Variants in RALYL observed in about 807,000 individuals in gnomAD.
RALYL encodes the protein RALY RNA binding protein like.
RALYL carries 29 observed loss-of-function variants against 35.1 expected under a neutral mutation model. The ratio of observed to expected loss-of-function variants is 0.83; its 90% CI spans 0.61 to 1.13. The LOEUF is 1.13. RALYL is among the 50% of genes most tolerant of loss of function. The pLI is 0.00. For synonymous variants in RALYL, 120 were observed against 127.6 expected (o/e 0.94, Z 0.40); for missense variants, 359 against 360.4 (o/e 1.00, Z 0.03).
At chr8:84,892,712 C>A (rs762869530) in intron 8 of RALYL, among the ~76,000 whole-genome samples, 11 of 149,068 alleles carry the variant, frequency 7.4e-5, no homozygotes, top group South Asian at 2.1e-4. Context: ...AAAAAAAAAA[C>A]CAGACAGATG....
At chr8:84,780,280 C>T (rs1298212930) in intron 3 of RALYL, among the ~76,000 whole-genome samples, 1 of 152,160 alleles carries the variant, frequency 6.6e-6, no homozygotes, top group African/African-American at 2.4e-5. Context: ...CACTGACCTG[C>T]CTCCCTGGTT....
At chr8:84,605,561 C>A (rs188976581) in intron 2 of RALYL, among the ~76,000 whole-genome samples, 62 of 152,146 alleles carry the variant, frequency 4.1e-4, no homozygotes, top group African/African-American at 1.3e-3. Flanking sequence ...TAGGCTCAAC[C>A]CTGTTCAGTT....
At chr8:84,212,606 A>G (rs1819754652) in intron 1 of RALYL, among the ~76,000 whole-genome samples, 1 of 152,200 alleles carries the variant, frequency 6.6e-6, no homozygotes, top group Non-Finnish European at 1.5e-5. Flanking sequence ...AGGAAACAAG[A>G]CTTGATAGGA....
At chr8:84,433,793 A>G (rs1225803335) in intron 1 of RALYL, among the ~76,000 whole-genome samples, 2 of 148,176 alleles carry the variant, frequency 1.3e-5, no homozygotes, top group Non-Finnish European at 3.0e-5. Context: ...ATGGACTAAT[A>G]TATGTGTGCA....
At chr8:84,216,997 G>A (rs1004699160) in intron 1 of RALYL, among the ~76,000 whole-genome samples, 6 of 152,030 alleles carry the variant, frequency 3.9e-5, no homozygotes, top group African/African-American at 1.4e-4. Flanking sequence ...ACATCTATAT[G>A]CTGCTAGCAT....
chr8:84,389,383 G>A (rs1367387944), intron 1 of RALYL, among the ~76,000 whole-genome samples: 4 of 152,042 alleles, frequency 2.6e-5, no homozygotes, highest in South Asian at 4.1e-4. Flanking sequence ...TGTGAAGAAA[G>A]TCATTGGTAG....
At chr8:84,589,123 C>T (rs1320339683) in intron 2 of RALYL, among the ~76,000 whole-genome samples, 1 of 152,186 alleles carries the variant, frequency 6.6e-6, no homozygotes, top group African/African-American at 2.4e-5. Context: ...GTCTCAAACT[C>T]CCAACCTTAG....
At chr8:84,625,263 T>A (rs923017841) in intron 2 of RALYL, among the ~76,000 whole-genome samples, 2 of 152,138 alleles carry the variant, frequency 1.3e-5, no homozygotes, top group South Asian at 4.1e-4. Context: ...ATGGTTTTAT[T>A]GTATTATAGT....
chr8:84,908,260 C>T (rs1213144784), intron 8 of RALYL, among the ~76,000 whole-genome samples: 3 of 152,110 alleles, frequency 2.0e-5, no homozygotes, highest in African/African-American at 7.2e-5. Flanking sequence ...ATACATTGCA[C>T]TGTTATTAAC....
intron 2 of RALYL, among the ~76,000 whole-genome samples, chr8:84,599,915 G>GTT (rs754529728): frequency 5.2e-5 from 7 of 134,880 alleles, no homozygotes; most frequent in Admixed American, 1.5e-4. Flanking sequence ...AGCAGGAGGT[G>GTT]TTTTTTTTTT....
At chr8:84,610,649 G>A (rs1408447890) in intron 2 of RALYL, among the ~76,000 whole-genome samples, 1 of 152,062 alleles carries the variant, frequency 6.6e-6, no homozygotes, top group Non-Finnish European at 1.5e-5. Flanking sequence ...CTCTCCTTTA[G>A]AGAGGAGTAT....
At chr8:84,677,834 C>T (rs1397199709) in intron 2 of RALYL, among the ~76,000 whole-genome samples, 2 of 152,128 alleles carry the variant, frequency 1.3e-5, no homozygotes, top group African/African-American at 4.8e-5. Context: ...TACTTCTAGT[C>T]TAAATTATTA....
chr8:84,901,990 T>C (rs1845775803), intron 8 of RALYL, among the ~76,000 whole-genome samples: 1 of 151,704 alleles, frequency 6.6e-6, no homozygotes, highest in Non-Finnish European at 1.5e-5. Flanking sequence ...GAACAAAGGG[T>C]TTCTTAACTA....
intron 1 of RALYL, among the ~76,000 whole-genome samples, chr8:84,291,807 T>G (rs1368739361): frequency 1.3e-5 from 2 of 151,592 alleles, no homozygotes; most frequent in African/African-American, 4.8e-5. Flanking sequence ...TGAAGATAAT[T>G]AAGAATAAAT....
chr8:84,852,749 AG>A (rs1836139924), intron 5 of RALYL, among the ~76,000 whole-genome samples: 1 of 152,216 alleles, frequency 6.6e-6, no homozygotes, highest in African/African-American at 2.4e-5. Context: ...GAAGTAAGTC[AG>A]GGCAAGTCCA....
chr8:84,655,629 A>G (rs545875023), intron 2 of RALYL, among the ~76,000 whole-genome samples: 72 of 152,196 alleles, frequency 4.7e-4, no homozygotes, highest in African/African-American at 1.6e-3. Flanking sequence ...GCCAAGGATT[A>G]TTAGATTTTT....
intron 2 of RALYL, among the ~76,000 whole-genome samples, chr8:84,728,005 G>A (rs1042024587): frequency 6.6e-6 from 1 of 151,622 alleles, no homozygotes; most frequent in Non-Finnish European, 1.5e-5. Context: ...GGGATGGCTG[G>A]GTCAAATGGT....
intron 1 of RALYL, among the ~76,000 whole-genome samples, chr8:84,289,088 A>G (rs554826074): frequency 2.0e-5 from 3 of 152,206 alleles, no homozygotes; most frequent in African/African-American, 7.2e-5. Context: ...GGAAAAATAA[A>G]TGTTCTCTTA....
chr8:84,699,096 G>GATAAGTGTAT (rs915852763), intron 2 of RALYL, among the ~76,000 whole-genome samples: 1 of 152,094 alleles, frequency 6.6e-6, no homozygotes, highest in Non-Finnish European at 1.5e-5. Flanking sequence ...ATAGTAGATA[G>GATAAGTGTAT]ATAAGTGTAT....
Sources: gnomAD v4.1 joint callset for allele counts (sites outside exome capture counted in the v4.1 genomes callset) on GRCh38, gnomAD v4.1.1 for gene constraint, MANE v1.5 for transcripts, NCBI Gene and HGNC (gene_info 2026-07-23, HGNC 2026-07-21) for gene names.